The following NFIB variants were observed in gnomAD, a reference collection of about 807,000 sequenced individuals.
NFIB encodes the protein nuclear factor I B.
NFIB carries 11 observed loss-of-function variants against 61.5 expected under a neutral mutation model. That is an observed-to-expected ratio of 0.18 (90% CI 0.11 to 0.30). The LOEUF is 0.30. NFIB is among the 10% of genes least tolerant of loss of function. NFIB has a pLI of 1.00. For missense variants in NFIB, 471 were observed against 608.9 expected (o/e 0.77, Z 2.38); for synonymous variants, 260 against 216.5 (o/e 1.20, Z -1.76).
chr9:14,329,211 T>G (rs549365276), intron 1 of NFIB, among the ~76,000 whole-genome samples: 1 of 152,352 alleles, frequency 6.6e-6, no homozygotes, highest in South Asian at 2.1e-4. Flanking sequence ...TACTTATGGC[T>G]GCTAAGCTAG....
intron 2 of NFIB, among the ~76,000 whole-genome samples, chr9:14,226,657 C>T (rs113542769): frequency 6.6e-6 from 1 of 151,732 alleles, no homozygotes; most frequent in African/African-American, 2.4e-5. Flanking sequence ...CAGATAATTG[C>T]TAATCACATT....
chr9:14,503,541 A>G, the NFIB span, among the ~76,000 whole-genome samples: 1 of 152,188 alleles, frequency 6.6e-6, no homozygotes, highest in African/African-American at 2.4e-5. Context: ...GTAAGATGGT[A>G]TCGCATTATG....
chr9:14,184,878 C>A (rs1357844531), intron 2 of NFIB, among the ~76,000 whole-genome samples: 1 of 152,024 alleles, frequency 6.6e-6, no homozygotes, highest in East Asian at 1.9e-4. Context: ...AAAAAAGTAG[C>A]CAGGTGCGGT....
chr9:14,410,032 C>T, the NFIB span, among the ~76,000 whole-genome samples: 1 of 152,028 alleles, frequency 6.6e-6, no homozygotes, highest in South Asian at 2.1e-4. Flanking sequence ...ACAGGAATGT[C>T]TTTTATGTGC....
the NFIB span, among the ~76,000 whole-genome samples, chr9:14,523,290 A>C: frequency 6.6e-6 from 1 of 152,142 alleles, no homozygotes; most frequent in Non-Finnish European, 1.5e-5. Context: ...AGCAGGGCTG[A>C]ATCCAAATGG....
At chr9:14,513,233 T>C in the NFIB span, among the ~76,000 whole-genome samples, 1 of 152,202 alleles carries the variant, frequency 6.6e-6, no homozygotes, top group African/African-American at 2.4e-5. Context: ...GCTCATTAAT[T>C]TCTGCTTTTT....
chr9:14,148,918 T>C (rs998258189), intron 5 of NFIB, among the ~76,000 whole-genome samples: 9 of 152,196 alleles, frequency 5.9e-5, no homozygotes, highest in Non-Finnish European at 1.2e-4. Context: ...GCAGAAAATC[T>C]GCCTGAAAAA....
intron 10 of NFIB, among the ~76,000 whole-genome samples, chr9:14,094,937 G>A (rs1232400215): frequency 6.6e-6 from 1 of 152,028 alleles, no homozygotes; most frequent in Non-Finnish European, 1.5e-5. Context: ...ACTTTACCAT[G>A]CGTGAGTGCT....
chr9:14,134,952 G>C (rs1477239284), intron 6 of NFIB, among the ~76,000 whole-genome samples: 2 of 137,294 alleles, frequency 1.5e-5, no homozygotes, highest in African/African-American at 2.7e-5. Flanking sequence ...AATGCCATTA[G>C]ATTATAAAGA....
At chr9:14,115,282 C>A (rs560268277) in intron 9 of NFIB, among the ~76,000 whole-genome samples, 18 of 130,756 alleles carry the variant, frequency 1.4e-4, no homozygotes, top group African/African-American at 6.1e-4. Flanking sequence ...GATTTTCTTG[C>A]TCTAAGAAAG....
chr9:14,451,473 T>C, the NFIB span, among the ~76,000 whole-genome samples: 4 of 152,236 alleles, frequency 2.6e-5, no homozygotes, highest in East Asian at 7.7e-4. Flanking sequence ...TTTTCGTTTG[T>C]GTTTCTAAAA....
intron 1 of NFIB, among the ~76,000 whole-genome samples, chr9:14,395,073 A>G (rs2061667290): frequency 6.6e-6 from 1 of 152,142 alleles, no homozygotes; most frequent in Non-Finnish European, 1.5e-5. Flanking sequence ...GTCAAGGTCT[A>G]CATTTCTGCT....
At chr9:14,430,192 A>G in the NFIB span, among the ~76,000 whole-genome samples, 1 of 152,208 alleles carries the variant, frequency 6.6e-6, no homozygotes, top group East Asian at 1.9e-4. Flanking sequence ...TGTAGTTCTG[A>G]ATTTTTAATT....
intron 2 of NFIB, among the ~76,000 whole-genome samples, chr9:14,198,160 T>C (rs936717248): frequency 3.3e-5 from 5 of 152,134 alleles, no homozygotes; most frequent in African/African-American, 9.7e-5. Flanking sequence ...AAGCTTTGCT[T>C]TATGAAGTAT....
At chr9:14,477,931 T>G in the NFIB span, among the ~76,000 whole-genome samples, 1 of 152,140 alleles carries the variant, frequency 6.6e-6, no homozygotes, top group Non-Finnish European at 1.5e-5. Context: ...TCCAGACCCA[T>G]AAGATCTAGA....
At position 14,091,940 on chromosome 9, in the gene NFIB, A is replaced by C. The variant is rs141214102; in HGVS notation, c.1468-3614T>G. On this transcript the variant is annotated intron_variant, in intron 10 of 10. Coordinates refer to ENST00000380953, the MANE Select transcript of NFIB (RefSeq NM_001190737.2). ...CATAAGAGCTAAATCAAAATTCCAA[A>C]AATAAAATGTTTGATATCATGGATA... Among the ~76,000 whole-genome samples the C allele has an allele frequency of 3.5e-4, 54 of 152,206 alleles. No individual in the cohort carries two copies. In the East Asian group the frequency reaches 9.5e-3, roughly 27 times the overall value.
intron 2 of NFIB, among the ~76,000 whole-genome samples, chr9:14,202,844 C>T (rs2049202365): frequency 6.6e-6 from 1 of 152,188 alleles, no homozygotes; most frequent in African/African-American, 2.4e-5. Context: ...ACTCCATGAA[C>T]TCTACCATTT....
the NFIB span, among the ~76,000 whole-genome samples, chr9:14,485,445 T>C: frequency 6.6e-6 from 1 of 152,238 alleles, no homozygotes; most frequent in Admixed American, 6.5e-5. Context: ...TGTATCAGTC[T>C]TCACTGATTG....
chr9:14,445,990 C>A, the NFIB span, among the ~76,000 whole-genome samples: 3 of 152,118 alleles, frequency 2.0e-5, no homozygotes, highest in African/African-American at 4.8e-5. Flanking sequence ...ATTTAATCTT[C>A]ATTTCTGAAG....
Sources: allele counts gnomAD v4.1 joint callset (sites outside exome capture counted in the v4.1 genomes callset), GRCh38; gene constraint gnomAD v4.1.1; transcripts MANE v1.5; gene names NCBI Gene and HGNC (gene_info 2026-07-23, HGNC 2026-07-21).